TGFA: variants seen among roughly 807,000 people sequenced by gnomAD.
The protein encoded by TGFA is transforming growth factor alpha.
TGFA carries 12 observed loss-of-function variants against 21.7 expected under a neutral mutation model. That is an observed-to-expected ratio of 0.55 (90% CI 0.35 to 0.90). The LOEUF is 0.90. TGFA is among the 40% of genes least tolerant of loss of function. The pLI, the probability that TGFA is intolerant of heterozygous loss-of-function variation, is 0.01. For missense variants in TGFA, 178 were observed against 210.8 expected, an observed-to-expected ratio of 0.84 and a Z score of 0.96; for synonymous variants, 79 against 88.1, an observed-to-expected ratio of 0.90 and a Z score of 0.58.
intron 1 of TGFA, among the ~76,000 whole-genome samples, chr2:70,529,022 C>T (rs1574136275): frequency 6.6e-6 from 1 of 152,220 alleles, no homozygotes; most frequent in East Asian, 1.9e-4. Flanking sequence ...TAGCAAGCAG[C>T]TCACTCCCAT....
intron 4 of TGFA, among the ~76,000 whole-genome samples, chr2:70,454,761 C>A (rs530781609): frequency 8.5e-4 from 130 of 152,272 alleles, no homozygotes; most frequent in Non-Finnish European, 1.5e-3. Flanking sequence ...GGCAGGGAGA[C>A]CAAGGCTGGG....
intron 2 of TGFA, among the ~76,000 whole-genome samples, chr2:70,512,093 AC>A (rs1271577563): frequency 6.6e-6 from 1 of 152,082 alleles, no homozygotes; most frequent in Non-Finnish European, 1.5e-5. Flanking sequence ...CAGGAAGGAC[AC>A]CCTAAAGGAA....
intron 2 of TGFA, among the ~76,000 whole-genome samples, chr2:70,510,266 TA>T (rs1672052148): frequency 6.6e-6 from 1 of 152,112 alleles, no homozygotes; most frequent in Admixed American, 6.6e-5. Flanking sequence ...AACCTGAATG[TA>T]AAAAAGCATC....
intron 1 of TGFA, among the ~76,000 whole-genome samples, chr2:70,533,941 C>A (rs1553504041): frequency 6.6e-6 from 1 of 151,484 alleles, no homozygotes; most frequent in African/African-American, 2.4e-5. Context: ...GTTAGCAATA[C>A]ACTGTTTGCC....
intron 2 of TGFA, among the ~76,000 whole-genome samples, chr2:70,478,658 T>A (rs376516991): frequency 1.3e-5 from 2 of 152,380 alleles, no homozygotes; most frequent in East Asian, 3.9e-4. Flanking sequence ...TATAATTTGT[T>A]ATTTAAAAGT....
chr2:70,505,521 T>C (rs1276701512), intron 2 of TGFA, among the ~76,000 whole-genome samples: 3 of 152,144 alleles, frequency 2.0e-5, no homozygotes, highest in Admixed American at 6.5e-5. Flanking sequence ...TTCATAGCAA[T>C]ACCCGACAAG....
rs11466244 is a variant in TGFA at position 70,465,834 on chromosome 2, G to A, written c.95-98C>T. 2,834 of 1,540,258 alleles carry A rather than the reference G, an allele frequency of 1.8e-3. 52 individuals carry two copies. In the African/African-American group the frequency reaches 0.035, roughly 19 times the overall value. On this transcript the variant is annotated intron_variant, in intron 2 of 5. Transcript: ENST00000295400. ...CAGTCAAGAAGGTGGAGCCCCTGAT[G>A]GCTGGGACTTTGGGTTCTCACCTGG...
At chr2:70,550,252 T>C (rs1283628090) in intron 1 of TGFA, among the ~76,000 whole-genome samples, 1 of 152,190 alleles carries the variant, frequency 6.6e-6, no homozygotes, top group African/African-American at 2.4e-5. Flanking sequence ...TATCATAAGA[T>C]CAGTTGCATT....
At chr2:70,547,547 A>G (rs1553506102) in intron 1 of TGFA, among the ~76,000 whole-genome samples, 2 of 7,288 alleles carry the variant, frequency 2.7e-4, no homozygotes, top group Admixed American at 9.3e-4. Context: ...CATCTCAAGA[A>G]AAAAAAAAAA....
At chr2:70,547,699 A>G (rs1673351618) in intron 1 of TGFA, among the ~76,000 whole-genome samples, 1 of 148,490 alleles carries the variant, frequency 6.7e-6, no homozygotes, top group Admixed American at 6.7e-5. Flanking sequence ...TAAAAATAGA[A>G]TAAGTATAGA....
chr2:70,517,631 C>T (rs1672325712), intron 1 of TGFA, among the ~76,000 whole-genome samples: 1 of 152,182 alleles, frequency 6.6e-6, no homozygotes, highest in African/African-American at 2.4e-5. Flanking sequence ...AGAAATTTGC[C>T]CAAGCTCCTG....
At chr2:70,550,352 T>G (rs567321478) in intron 1 of TGFA, among the ~76,000 whole-genome samples, 1 of 152,276 alleles carries the variant, frequency 6.6e-6, no homozygotes, top group East Asian at 1.9e-4. Flanking sequence ...TGGGCACAGT[T>G]TTATTATTCC....
At chr2:70,456,512 G>A (rs996645091) in intron 3 of TGFA, 24 bp from the exon 4 acceptor site, 2 of 1,583,630 alleles carry the variant, frequency 1.3e-6, no homozygotes, top group African/African-American at 2.7e-5. Context: ...GAACGTCAGT[G>A]CACTCTCCTG....
Position 70,553,716 on chromosome 2 carries a change from CG to C in TGFA, c.40+11del. On this transcript the variant is annotated intron_variant, in intron 1 of 5. Coordinates refer to ENST00000295400, the MANE Select transcript of TGFA (RefSeq NM_003236.4). Reference sequence around the variant, plus strand: ...CGCGCGGCGCAGGGGGCGCCGCAGCCGGCGTACGTACCCAGAGCGAACAGGG... The same window carrying C: ...CGCGCGGCGCAGGGGGCGCCGCAGCCGCGTACGTACCCAGAGCGAACAGGG... The C allele has an allele frequency of 7.5e-7, 1 of 1,329,918 alleles. No homozygotes were observed. Among genetic ancestry groups the C allele is most frequent in the Non-Finnish European group, 9.6e-7 (1 of 1,037,300 alleles). 82.4% of individuals were successfully genotyped at this position (1,329,918 alleles called of 1,614,324 possible). A position where few individuals can be genotyped will look rare whatever the true frequency, so the allele number is the denominator to read the frequency against.
At chr2:70,499,275 A>G (rs1671668110) in intron 2 of TGFA, among the ~76,000 whole-genome samples, 1 of 152,212 alleles carries the variant, frequency 6.6e-6, no homozygotes, top group African/African-American at 2.4e-5. Flanking sequence ...GAGTTGTTTC[A>G]GAGAATGAAA....
intron 1 of TGFA, among the ~76,000 whole-genome samples, chr2:70,516,878 A>T (rs1267398343): frequency 6.6e-6 from 1 of 151,112 alleles, no homozygotes; most frequent in Non-Finnish European, 1.5e-5. Context: ...AACTGCCCCG[A>T]ACTAAAGAAT....
chr2:70,498,289 T>G (rs2103805243), intron 2 of TGFA, among the ~76,000 whole-genome samples: 1 of 152,400 alleles, frequency 6.6e-6, no homozygotes, highest in South Asian at 2.1e-4. Flanking sequence ...TATGGATTCC[T>G]TATGCTGTTC....
At chr2:70,542,983 A>G (rs1673176845) in intron 1 of TGFA, among the ~76,000 whole-genome samples, 1 of 151,686 alleles carries the variant, frequency 6.6e-6, no homozygotes, top group Non-Finnish European at 1.5e-5. Flanking sequence ...GGCGCCTGTA[A>G]TCCCAGGTAC....
At chr2:70,510,994 A>T (rs1426837834) in intron 2 of TGFA, among the ~76,000 whole-genome samples, 4 of 150,654 alleles carry the variant, frequency 2.7e-5, no homozygotes, top group Non-Finnish European at 5.9e-5. Flanking sequence ...AAGAAAAAAA[A>T]TGCACAAGAA....
Sources: allele counts gnomAD v4.1 joint callset (sites outside exome capture counted in the v4.1 genomes callset), GRCh38; gene constraint gnomAD v4.1.1; transcripts MANE v1.5; gene names NCBI Gene and HGNC (gene_info 2026-07-23, HGNC 2026-07-21).